PREX2: variants seen among roughly 807,000 people sequenced by gnomAD.
The protein encoded by PREX2 is phosphatidylinositol 3,4,5-trisphosphate-dependent Rac exchanger 2 protein.
PREX2 carries 107 observed loss-of-function variants against 203.2 expected under a neutral mutation model. The observed-to-expected ratio is 0.53, with a 90% CI of 0.45 to 0.62. The LOEUF (loss-of-function observed/expected upper bound fraction) is 0.62. Ranked by LOEUF, PREX2 falls within the 20% of genes least tolerant of loss-of-function variation. The pLI is 0.00. For missense variants in PREX2, 1,777 were observed against 1,955.9 expected (o/e 0.91, Z 1.72); for synonymous variants, 672 against 663.6 (o/e 1.01, Z -0.19).
At chr8:68,190,816 A>G (rs1812277930) in intron 35 of PREX2, among the ~76,000 whole-genome samples, 1 of 152,100 alleles carries the variant, frequency 6.6e-6, no homozygotes, top group Non-Finnish European at 1.5e-5. Flanking sequence ...ATCACTAAAA[A>G]AAATAGATAC....
At chr8:68,013,568 T>C (rs1807327635) in intron 1 of PREX2, among the ~76,000 whole-genome samples, 1 of 152,210 alleles carries the variant, frequency 6.6e-6, no homozygotes, top group Admixed American at 6.5e-5. Flanking sequence ...AATGACAAAC[T>C]TCTTTCATTT....
chr8:68,185,162 G>C (rs1812165551), intron 35 of PREX2, among the ~76,000 whole-genome samples: 1 of 152,142 alleles, frequency 6.6e-6, no homozygotes, highest in Non-Finnish European at 1.5e-5. Flanking sequence ...TATTTGATGA[G>C]TCATGTATTT....
intron 34 of PREX2, among the ~76,000 whole-genome samples, chr8:68,149,929 G>A (rs1811401182): frequency 6.6e-6 from 1 of 152,238 alleles, no homozygotes; most frequent in Non-Finnish European, 1.5e-5. Flanking sequence ...TGTTCAGCAT[G>A]TCTAGATTCT....
At chr8:68,151,814 C>A (rs1811441431) in intron 34 of PREX2, among the ~76,000 whole-genome samples, 1 of 150,806 alleles carries the variant, frequency 6.6e-6, no homozygotes, top group African/African-American at 2.4e-5. Flanking sequence ...CCAAACCAAC[C>A]ACCCCTAAGT....
rs1480791221 is a variant in PREX2 at position 68,053,157 on chromosome 8, A to G, written c.1004A>G (p.Lys335Arg). ...GGATGGAAGATACATAACACAGCAA[A>G]AAATAAATGGTTTGTTTGTATGGCA... Reference protein sequence around the residue: ...VNGWKIHNTAKNKWFVCMAKT... With the variant: ...VNGWKIHNTARNKWFVCMAKT... The change falls in exon 9 of 40, where the codon AAA (lysine) becomes AGA (arginine). Residue 335 changes from lysine to arginine, a missense_variant. Physicochemically the swap from Lys to Arg is conservative, Grantham distance 26 (BLOSUM62 2). Coordinates refer to ENST00000288368, the MANE Select transcript of PREX2 (RefSeq NM_024870.4). The G allele has an allele frequency of 6.8e-6, 11 of 1,613,634 alleles. No individual in the cohort carries two copies. The highest frequency in any genetic ancestry group is 9.3e-6 in the Non-Finnish European group (11 of 1,179,726).
chr8:68,236,568 A>G lies in PREX2; in HGVS notation c.*5190A>G, dbSNP rs1241073657. 1.3e-5 allele frequency: 2 copies of G among 152,194 alleles called. No homozygotes were observed. Among genetic ancestry groups the G allele is most frequent in the Non-Finnish European group, 2.9e-5 (2 of 68,034 alleles). The allele number at this position is 152,194 out of a possible 1,614,324, so 9.4% of individuals were successfully genotyped here. A position where few individuals can be genotyped will look rare whatever the true frequency, so the allele number is the denominator to read the frequency against. Reference sequence around the variant, plus strand: ...ACTAAATTGGTAAGACGCTTTAGAAAATATGCATTTGAATTTGAATATCTA... The same window carrying G: ...ACTAAATTGGTAAGACGCTTTAGAAGATATGCATTTGAATTTGAATATCTA... On this transcript the variant is annotated 3_prime_UTR_variant, in exon 40 of 40. Transcript: ENST00000288368.
intron 35 of PREX2, among the ~76,000 whole-genome samples, chr8:68,170,232 T>C (rs1278609006): frequency 1.3e-5 from 2 of 152,248 alleles, no homozygotes; most frequent in African/African-American, 2.4e-5. Context: ...CCCAGTCATG[T>C]AGGGCTGTAT....
rs1277311734 is a variant in PREX2, at chr8:68,087,787, TG to T, written c.2092del (p.Val698LeufsTer5). On this transcript the variant is annotated frameshift_variant, in exon 19 of 40. Coordinates refer to ENST00000288368, the MANE Select transcript of PREX2 (RefSeq NM_024870.4). LOFTEE classifies it high-confidence loss of function. ...GFQIRGFGPS[V>X]VHAVGRGTVA... ...TCCAGATCCGGGGATTTGGCCCTTC[TG>T]TTGTGCATGCTGTAGGAAGAGGTAG... The T allele has an allele frequency of 6.2e-7, 1 of 1,613,614 alleles. No individual in the cohort carries two copies. The highest frequency in any genetic ancestry group is 1.7e-5 in the Admixed American group (1 of 60,016).
At chr8:67,957,856 T>C (rs546230393) in intron 1 of PREX2, among the ~76,000 whole-genome samples, 158 of 152,330 alleles carry the variant, frequency 1.0e-3, no homozygotes, top group African/African-American at 3.6e-3. Context: ...AGAATAGGAC[T>C]GTATTTGTAG....
chr8:68,153,705 C>T (rs1464970475), intron 34 of PREX2, among the ~76,000 whole-genome samples: 1 of 152,062 alleles, frequency 6.6e-6, no homozygotes, highest in East Asian at 1.9e-4. Context: ...GTCATCTTTC[C>T]TCTTCTCTGT....
rs1447421613 is a variant in PREX2, at chr8:68,007,066, G to T, written c.142-10780G>T. On this transcript the variant is annotated intron_variant, in intron 1 of 39. Transcript: ENST00000288368. ...TAATTTGCCTCATGAATATTCAGCT[G>T]TCGATGGAGCTGCAAGCCAATATCC... Among the ~76,000 whole-genome samples, 7 of 152,316 alleles carry T rather than the reference G, an allele frequency of 4.6e-5. 1 individual carries two copies. In the East Asian group the frequency reaches 1.3e-3, roughly 29 times the overall value.
At chr8:68,076,131 G>A (rs1231814563) in intron 14 of PREX2, among the ~76,000 whole-genome samples, 1 of 152,116 alleles carries the variant, frequency 6.6e-6, no homozygotes, top group Non-Finnish European at 1.5e-5. Flanking sequence ...AGAACAGTCT[G>A]TTTAGTTTTG....
Position 68,186,671 on chromosome 8 carries a change from G to A in PREX2, c.4347-5051G>A, listed in dbSNP as rs868490375. 7.1e-4 allele frequency among the ~76,000 whole-genome samples: 108 copies of A among 152,062 alleles called. No homozygotes were observed. The Middle Eastern group carries it at 0.014, about 19-fold the overall frequency. On this transcript the variant is annotated intron_variant, in intron 35 of 39. Coordinates refer to ENST00000288368, the MANE Select transcript of PREX2 (RefSeq NM_024870.4). ...TGGGATTACAGGCACTCGCCACCAC[G>A]CCTAGCTAATTTTCGTATTTTTAGT...
At chr8:68,007,373 A>G (rs898211242) in intron 1 of PREX2, among the ~76,000 whole-genome samples, 1 of 152,246 alleles carries the variant, frequency 6.6e-6, no homozygotes, top group Non-Finnish European at 1.5e-5. Flanking sequence ...AAGCAGTTCA[A>G]AAATGTTTTA....
At chr8:68,139,279 A>T (rs1811172876) in intron 33 of PREX2, among the ~76,000 whole-genome samples, 1 of 152,178 alleles carries the variant, frequency 6.6e-6, no homozygotes, top group African/African-American at 2.4e-5. Context: ...TTTACCTAAA[A>T]GGAGAGCAGG....
chr8:67,983,468 G>A (rs560874743), intron 1 of PREX2, among the ~76,000 whole-genome samples: 2 of 152,104 alleles, frequency 1.3e-5, no homozygotes, highest in Non-Finnish European at 2.9e-5. Flanking sequence ...TCCTAATTGA[G>A]GTTCCTGCCT....
intron 10 of PREX2, among the ~76,000 whole-genome samples, chr8:68,058,849 C>T (rs927853129): frequency 1.3e-5 from 2 of 152,128 alleles, no homozygotes; most frequent in Non-Finnish European, 2.9e-5. Context: ...TTTGAGTCCC[C>T]GTTGTCTTAT....
chr8:68,096,098 G>A (rs866860186), intron 21 of PREX2, among the ~76,000 whole-genome samples: 3 of 152,144 alleles, frequency 2.0e-5, no homozygotes, highest in Admixed American at 1.3e-4. Flanking sequence ...CAATAAGGTT[G>A]TTATGGTAAT....
chr8:68,216,740 G>A (rs1033637416), intron 37 of PREX2, among the ~76,000 whole-genome samples: 2 of 152,056 alleles, frequency 1.3e-5, no homozygotes, highest in African/African-American at 2.4e-5. Context: ...GGTGGATCAC[G>A]AGGTCAGGAG....
Sources: allele counts gnomAD v4.1 joint callset (sites outside exome capture counted in the v4.1 genomes callset), GRCh38; gene constraint gnomAD v4.1.1; transcripts MANE v1.5; gene names NCBI Gene and HGNC (gene_info 2026-07-23, HGNC 2026-07-21).